Variants in NCALD observed in about 807,000 individuals in gnomAD.
NCALD encodes neurocalcin-delta.
A neutral mutation model predicts 18.6 loss-of-function variants in NCALD; 10 were observed. That is an observed-to-expected ratio of 0.54 (90% confidence interval 0.33 to 0.91). NCALD has a LOEUF of 0.91. Ranked by LOEUF, NCALD falls within the 40% of genes least tolerant of loss-of-function variation. The pLI, the probability that NCALD is intolerant of heterozygous loss-of-function variation, is 0.03. For missense variants in NCALD, 184 were observed against 247.6 expected (o/e 0.74, Z 1.72); for synonymous variants, 88 against 87.4 (o/e 1.01, Z -0.04).
At chr8:101,903,539 C>G (rs531421982) in intron 3 of NCALD, among the ~76,000 whole-genome samples, 4 of 152,096 alleles carry the variant, frequency 2.6e-5, no homozygotes, top group Admixed American at 2.0e-4. Context: ...GGGGCGAGAG[C>G]GAGGGAGAGA....
chr8:101,713,047 T>C (rs932746041), intron 2 of NCALD, among the ~76,000 whole-genome samples: 1 of 151,868 alleles, frequency 6.6e-6, no homozygotes, highest in Non-Finnish European at 1.5e-5. Context: ...CCTCAGCAAA[T>C]AAAAAAGAAT....
At chr8:101,905,337 G>T (rs1317093763) in intron 3 of NCALD, among the ~76,000 whole-genome samples, 1 of 145,538 alleles carries the variant, frequency 6.9e-6, no homozygotes, top group African/African-American at 2.5e-5. Flanking sequence ...GTATTTTTTT[G>T]ACCCCCTACT....
intron 2 of NCALD, among the ~76,000 whole-genome samples, chr8:102,013,176 A>T (rs1190218529): frequency 1.3e-5 from 2 of 152,126 alleles, no homozygotes; most frequent in Admixed American, 1.3e-4. Context: ...AAGGGAGTGA[A>T]TTGAATTGCT....
chr8:101,831,968 C>T (rs1034751673), intron 4 of NCALD, among the ~76,000 whole-genome samples: 1 of 152,168 alleles, frequency 6.6e-6, no homozygotes, highest in African/African-American at 2.4e-5. Context: ...TGAAAACATT[C>T]TCCTTTGTGT....
chr8:101,691,278 A>C, intron 3 of NCALD: 1 of 985,314 alleles, frequency 1.0e-6, no homozygotes, highest in South Asian at 4.7e-5. Flanking sequence ...TAACCTTTGA[A>C]AATTTAATTT....
intron 2 of NCALD, among the ~76,000 whole-genome samples, chr8:101,943,397 A>G (rs575549146): frequency 6.6e-6 from 1 of 152,356 alleles, no homozygotes; most frequent in South Asian, 2.1e-4. Context: ...TAGGACTAAA[A>G]AGGCATTATT....
In NCALD at chr8:101,895,400, C is replaced by A. The variant is rs1817121381; in HGVS notation, c.-106-8173G>T. 2.7e-5 allele frequency among the ~76,000 whole-genome samples: 4 copies of A among 149,908 alleles called. No individual in the cohort carries two copies. In the South Asian group the frequency reaches 8.5e-4, roughly 32 times the overall value. On this transcript the variant is annotated intron_variant, in intron 3 of 6. Transcript: ENST00000311028. Reference sequence around the variant, plus strand: ...GAGCTATCTATGACAAACCCACAGCCAATATCATACTGAATGGGCAAAAAC... The same window carrying A: ...GAGCTATCTATGACAAACCCACAGCAAATATCATACTGAATGGGCAAAAAC...
intron 1 of NCALD, among the ~76,000 whole-genome samples, chr8:101,729,498 C>T (rs551978208): frequency 9.2e-5 from 14 of 152,134 alleles, no homozygotes; most frequent in African/African-American, 3.4e-4. Flanking sequence ...CTCTTCCCAG[C>T]GAGGCTGGGC....
rs138337239 is a variant in NCALD, at chr8:101,754,285, A to C, written c.-19-34637T>G. Among the ~76,000 whole-genome samples, 506 of 152,282 alleles carry C rather than the reference A, an allele frequency of 3.3e-3. 6 individuals are homozygous for C. The highest frequency in any genetic ancestry group is 0.011 in the African/African-American group (439 of 41,572). The stretch of plus-strand genomic sequence containing the variant: ...TTGGATGTTTCCTATACAAAATCTG[A>C]CTTTATTCTCTCATTTACAATATCT... On this transcript the variant is annotated intron_variant, in intron 1 of 3. Coordinates refer to ENST00000220931, the MANE Select transcript of NCALD (RefSeq NM_032041.3).
intron 1 of NCALD, among the ~76,000 whole-genome samples, chr8:102,023,259 C>G (rs1008347050): frequency 1.3e-5 from 2 of 152,176 alleles, no homozygotes; most frequent in Non-Finnish European, 2.9e-5. Context: ...AACCATTATA[C>G]TGAAGCCCAA....
intron 1 of NCALD, among the ~76,000 whole-genome samples, chr8:101,732,468 T>C (rs887147526): frequency 6.6e-6 from 1 of 152,144 alleles, no homozygotes; most frequent in Non-Finnish European, 1.5e-5. Context: ...ACACATGTGT[T>C]TAACATCTAC....
At chr8:101,926,823 G>A (rs1204220859) in intron 2 of NCALD, among the ~76,000 whole-genome samples, 1 of 152,164 alleles carries the variant, frequency 6.6e-6, no homozygotes, top group Non-Finnish European at 1.5e-5. Flanking sequence ...GGGAATAAGT[G>A]GCGTTAAGGG....
At chr8:101,849,880 CG>C (rs935554839) in intron 4 of NCALD, among the ~76,000 whole-genome samples, 1 of 152,216 alleles carries the variant, frequency 6.6e-6, no homozygotes, top group Non-Finnish European at 1.5e-5. Context: ...ACACTGAAGA[CG>C]GGGGCCCTTC....
chr8:101,866,669 T>C (rs546851322), intron 4 of NCALD, among the ~76,000 whole-genome samples: 1 of 152,320 alleles, frequency 6.6e-6, no homozygotes, highest in Admixed American at 6.5e-5. Flanking sequence ...CCCAGCCAGA[T>C]ACATGAGAAA....
intron 4 of NCALD, among the ~76,000 whole-genome samples, chr8:101,806,240 A>G (rs905861438): frequency 1.8e-4 from 27 of 152,180 alleles, no homozygotes; most frequent in Non-Finnish European, 1.0e-4. Context: ...GAGAAGAATC[A>G]GAATCCCAAA....
intron 1 of NCALD, among the ~76,000 whole-genome samples, chr8:101,769,314 T>C (rs996931045): frequency 2.0e-5 from 3 of 152,254 alleles, no homozygotes; most frequent in African/African-American, 4.8e-5. Flanking sequence ...TGACGTTCTA[T>C]GCTCAATTTA....
chr8:101,692,973 A>C, intron 2 of NCALD, 77 bp from the exon 3 acceptor site: 30 of 1,023,946 alleles, frequency 2.9e-5, no homozygotes, highest in East Asian at 1.0e-4. Flanking sequence ...AACCTCCCAA[A>C]TGCGGGCTGA....
intron 2 of NCALD, among the ~76,000 whole-genome samples, chr8:102,007,632 T>C (rs549631083): frequency 6.6e-6 from 1 of 152,358 alleles, no homozygotes; most frequent in Admixed American, 6.5e-5. Flanking sequence ...ATTAGAATGA[T>C]TCATCCCTCG....
chr8:102,115,261 CAAT>C (rs1359969341), intron 1 of NCALD, among the ~76,000 whole-genome samples: 1 of 152,178 alleles, frequency 6.6e-6, no homozygotes, highest in Non-Finnish European at 1.5e-5. Context: ...ACCAGAGTAA[CAAT>C]GATACAGTAG....
Sources: allele counts gnomAD v4.1 joint callset (sites outside exome capture counted in the v4.1 genomes callset), GRCh38; gene constraint gnomAD v4.1.1; transcripts MANE v1.5; gene names NCBI Gene and HGNC (gene_info 2026-07-23, HGNC 2026-07-21).